Variants in TENM2 observed in about 807,000 individuals in gnomAD.
The protein encoded by TENM2 is teneurin transmembrane protein 2.
TENM2 carries 52 observed loss-of-function variants against 245.2 expected under a neutral mutation model. That is an observed-to-expected ratio of 0.21 (90% CI 0.17 to 0.27). The LOEUF is 0.27. Among genes scored for constraint, TENM2 ranks in the 10% least tolerant of loss-of-function variants. The probability of loss-of-function intolerance (pLI) is 1.00; values close to 1 mark genes in which losing one functional copy is unlikely to be tolerated. For synonymous variants in TENM2, 1,363 were observed against 1,438.9 expected (o/e 0.95, Z 1.19); for missense variants, 3,046 against 3,666.8 (o/e 0.83, Z 4.37).
At chr5:167,264,691 T>C in the TENM2 span, among the ~76,000 whole-genome samples, 3 of 152,224 alleles carry the variant, frequency 2.0e-5, no homozygotes, top group Non-Finnish European at 4.4e-5. Context: ...CCGCTGCCTA[T>C]GTGTCTTCCC....
At chr5:167,815,170 A>C (rs1454979306) in intron 2 of TENM2, among the ~76,000 whole-genome samples, 1 of 152,170 alleles carries the variant, frequency 6.6e-6, no homozygotes, top group African/African-American at 2.4e-5. Flanking sequence ...ATGTCGTATT[A>C]ACCCTTTTCA....
intron 2 of TENM2, among the ~76,000 whole-genome samples, chr5:167,561,579 A>G (rs1270868843): frequency 3.9e-5 from 6 of 152,180 alleles, no homozygotes; most frequent in African/African-American, 1.4e-4. Flanking sequence ...TGAAACGTCT[A>G]TGTTGTTTTT....
chr5:167,646,740 G>A (rs894864226), intron 2 of TENM2, among the ~76,000 whole-genome samples: 2 of 152,062 alleles, frequency 1.3e-5, no homozygotes, highest in Non-Finnish European at 1.5e-5. Flanking sequence ...AATAGCACAA[G>A]TACAGTTTTA....
intron 2 of TENM2, among the ~76,000 whole-genome samples, chr5:167,588,805 G>A (rs962173899): frequency 2.0e-5 from 3 of 152,200 alleles, no homozygotes; most frequent in African/African-American, 7.2e-5. Context: ...TACTCAACAA[G>A]TGGAATGTGG....
chr5:168,148,921 T>TAGATA (rs1562217687), intron 12 of TENM2, among the ~76,000 whole-genome samples: 1 of 122,580 alleles, frequency 8.2e-6, no homozygotes, highest in African/African-American at 3.2e-5. Context: ...ATAGATAGAT[T>TAGATA]GATAGATAGC....
At chr5:167,706,725 G>C (rs949694829) in intron 2 of TENM2, among the ~76,000 whole-genome samples, 4 of 151,912 alleles carry the variant, frequency 2.6e-5, no homozygotes, top group South Asian at 2.1e-4. Context: ...AGTGTTAAAG[G>C]GTTGCCCGGC....
chr5:167,371,307 AC>A lies in TENM2; in HGVS notation c.227-3889del. Among the ~76,000 whole-genome samples the A allele has an allele frequency of 1.4e-5, 2 of 147,344 alleles. 1 individual carries two copies. The highest frequency in any genetic ancestry group is 3.9e-4 in the East Asian group (2 of 5,068). On this transcript the variant is annotated intron_variant, in intron 1 of 28. Transcript: ENST00000518659. ...TGTGCAAGGCATGAGGTCACCTTGC[AC>A]CACGATGTGACCTCCATGGCTCCCT...
chr5:167,859,122 G>A (rs1284025890), intron 2 of TENM2, among the ~76,000 whole-genome samples: 3 of 123,324 alleles, frequency 2.4e-5, no homozygotes, highest in East Asian at 2.5e-4. Flanking sequence ...CTGCCCCGCC[G>A]CCCCATCTGG....
intron 2 of TENM2, among the ~76,000 whole-genome samples, chr5:167,687,747 G>T (rs1757169402): frequency 6.6e-6 from 1 of 152,052 alleles, no homozygotes; most frequent in Non-Finnish European, 1.5e-5. Flanking sequence ...AGTGAGAATT[G>T]TTCTTTCTTC....
intron 3 of TENM2, among the ~76,000 whole-genome samples, chr5:167,895,171 T>C (rs1775120247): frequency 6.6e-6 from 1 of 152,148 alleles, no homozygotes; most frequent in Non-Finnish European, 1.5e-5. Flanking sequence ...CTCAAAGTTA[T>C]TTGACCAGAG....
the TENM2 span, among the ~76,000 whole-genome samples, chr5:166,990,638 G>A: frequency 6.6e-6 from 1 of 151,976 alleles, no homozygotes; most frequent in East Asian, 1.9e-4. Flanking sequence ...AGCTTTGGCC[G>A]GTAACATAAT....
chr5:167,485,170 G>A (rs1767982826), intron 2 of TENM2, among the ~76,000 whole-genome samples: 1 of 152,108 alleles, frequency 6.6e-6, no homozygotes, highest in African/African-American at 2.4e-5. Flanking sequence ...TGCTGGGGCT[G>A]GTAATTCACA....
In TENM2 at chr5:167,831,485, C is replaced by CTTT. The variant is rs10667494; in HGVS notation, c.503-44482_503-44480dup. 4.2e-3 allele frequency among the ~76,000 whole-genome samples: 540 copies of CTTT among 127,746 alleles called. 10 individuals are homozygous for CTTT. Among genetic ancestry groups the CTTT allele is most frequent in the South Asian group, 6.8e-3 (26 of 3,826 alleles). The allele number at this position is 127,746 out of a possible 152,430, so 83.8% of individuals were successfully genotyped here. A position where few individuals can be genotyped will look rare whatever the true frequency, so the allele number is the denominator to read the frequency against. On this transcript the variant is annotated intron_variant, in intron 2 of 28. Transcript: ENST00000518659. Reference sequence around the variant, plus strand: ...AAATCAGCTGCAAAAGAGTTCAGCACTTTTTTTTTTTTTTTTTTTTTAAGA... The same window carrying CTTT: ...AAATCAGCTGCAAAAGAGTTCAGCACTTTTTTTTTTTTTTTTTTTTTTTTAAGA...
intron 26 of TENM2, among the ~76,000 whole-genome samples, chr5:168,245,159 C>G (rs892950090): frequency 5.5e-5 from 8 of 146,072 alleles, no homozygotes; most frequent in Non-Finnish European, 7.4e-5. Flanking sequence ...CCCTCCTGCT[C>G]CCACCCTCAC....
At position 168,257,639 on chromosome 5, in the gene TENM2, C is replaced by T. The variant is rs577281006; in HGVS notation, c.7433-2644C>T. 7.0e-3 allele frequency among the ~76,000 whole-genome samples: 910 copies of T among 130,934 alleles called. 9 individuals carry two copies. Among genetic ancestry groups the T allele is most frequent in the African/African-American group, 0.025 (868 of 35,178 alleles). 85.9% of individuals were successfully genotyped at this position (130,934 alleles called of 152,430 possible). On this transcript the variant is annotated intron_variant, in intron 27 of 28. Coordinates refer to ENST00000518659, the Ensembl canonical transcript of TENM2. ...GATTTTTTTTTTTTTTTTTTTGTGA[C>T]GGAGTCTCACTCTGTTGCCAGGCTG...
At chr5:167,760,622 G>A (rs1291276307) in intron 2 of TENM2, among the ~76,000 whole-genome samples, 2 of 152,178 alleles carry the variant, frequency 1.3e-5, no homozygotes, top group Non-Finnish European at 2.9e-5. Flanking sequence ...GTCAACAACA[G>A]GTTCCACAAG....
intron 2 of TENM2, among the ~76,000 whole-genome samples, chr5:167,685,071 T>C (rs1756983450): frequency 6.6e-6 from 1 of 152,180 alleles, no homozygotes; most frequent in Non-Finnish European, 1.5e-5. Context: ...TGTGGAATTG[T>C]TAGTCATCAA....
chr5:167,415,946 T>G (rs1462610391), intron 2 of TENM2, among the ~76,000 whole-genome samples: 1 of 152,122 alleles, frequency 6.6e-6, no homozygotes, highest in Non-Finnish European at 1.5e-5. Context: ...ATTATAGAAT[T>G]AGTATGCTAT....
intron 2 of TENM2, among the ~76,000 whole-genome samples, chr5:167,858,551 G>A (rs968151585): frequency 4.6e-5 from 7 of 152,100 alleles, no homozygotes; most frequent in East Asian, 1.9e-4. Flanking sequence ...GAGAAGGCTC[G>A]AAGGCGCCGC....
Sources: allele counts gnomAD v4.1 joint callset (sites outside exome capture counted in the v4.1 genomes callset), GRCh38; gene constraint gnomAD v4.1.1; transcripts MANE v1.5; gene names NCBI Gene and HGNC (gene_info 2026-07-23, HGNC 2026-07-21).